SPECC1: variants seen among roughly 807,000 people sequenced by gnomAD.
The protein encoded by SPECC1 is cytospin-B.
A neutral mutation model predicts 104.1 loss-of-function variants in SPECC1; 62 were observed. The ratio of observed to expected loss-of-function variants is 0.60; its 90% confidence interval spans 0.49 to 0.74. The LOEUF (loss-of-function observed/expected upper bound fraction) is 0.74, where lower values mean the gene tolerates loss of function less well. Ranked by LOEUF, SPECC1 falls within the 30% of genes least tolerant of loss-of-function variation. The probability of loss-of-function intolerance (pLI) is 0.00; values close to 1 mark genes in which losing one functional copy is unlikely to be tolerated. For missense variants in SPECC1, 1,306 were observed against 1,310.5 expected (o/e 1.00, Z 0.05); for synonymous variants, 513 against 501.6 (o/e 1.02, Z -0.30).
At chr17:20,195,619 G>A (rs914552735) in intron 3 of SPECC1, among the ~76,000 whole-genome samples, 4 of 150,522 alleles carry the variant, frequency 2.7e-5, no homozygotes, top group Non-Finnish European at 5.9e-5. Context: ...GTGTAGTGAC[G>A]CTATCTTGGC....
intron 1 of SPECC1, among the ~76,000 whole-genome samples, chr17:20,070,081 A>G (rs757030651): frequency 7.2e-5 from 11 of 152,158 alleles, no homozygotes; most frequent in Non-Finnish European, 1.6e-4. Context: ...TTACTTTCTT[A>G]CCAATCTGGA....
intron 4 of SPECC1, among the ~76,000 whole-genome samples, chr17:20,223,453 A>G (rs1167570664): frequency 6.6e-6 from 1 of 152,118 alleles, no homozygotes; most frequent in African/African-American, 2.4e-5. Flanking sequence ...GAGTGGGCAG[A>G]TCACGAGGTC....
chr17:20,115,347 C>T (rs1283612959), intron 3 of SPECC1, among the ~76,000 whole-genome samples: 1 of 152,000 alleles, frequency 6.6e-6, no homozygotes, highest in African/African-American at 2.4e-5. Flanking sequence ...GTGGCGGGTG[C>T]CTGTAATCCC....
chr17:20,018,946 G>A (rs571124710), intron 1 of SPECC1, among the ~76,000 whole-genome samples: 65 of 152,286 alleles, frequency 4.3e-4, no homozygotes, highest in African/African-American at 1.5e-3. Flanking sequence ...AGAAAAGCAG[G>A]AGTTCAGCAT....
rs184275583 is a variant in SPECC1, at chr17:20,264,669, G to A, written c.2940+4375G>A. 1.1e-4 allele frequency among the ~76,000 whole-genome samples: 17 copies of A among 151,582 alleles called. 1 individual carries two copies. Among genetic ancestry groups the A allele is most frequent in the African/African-American group, 2.7e-4 (11 of 41,372 alleles). On this transcript the variant is annotated intron_variant, in intron 12 of 14. Transcript: ENST00000395527. ...GTATTTTTAGTAGAGACAGGGTTTC[G>A]CCATGTTGGCTAGGCTGGTCTCGAA...
chr17:20,053,164 C>T (rs370355563), intron 1 of SPECC1, among the ~76,000 whole-genome samples: 3 of 152,122 alleles, frequency 2.0e-5, no homozygotes, highest in African/African-American at 4.8e-5. Context: ...AGAATTCCAC[C>T]GAAATTTCCT....
rs188153967 is a variant in SPECC1, at chr17:20,179,815, C to T, written c.284-24518C>T. On this transcript the variant is annotated intron_variant, in intron 3 of 14. Transcript: ENST00000395527. ...GAGCAGTGAATGTTGCAGCAGGAAA[C>T]ATTGCATACATAAATGGAAGATATT... is the stretch of plus-strand genomic sequence containing the variant. Among the ~76,000 whole-genome samples the T allele has an allele frequency of 1.3e-3, 197 of 152,242 alleles. 1 individual carries two copies. Among genetic ancestry groups the T allele is most frequent in the African/African-American group, 4.5e-3 (189 of 41,544 alleles).
At chr17:20,128,376 T>A (rs1240275693) in intron 3 of SPECC1, among the ~76,000 whole-genome samples, 1 of 152,222 alleles carries the variant, frequency 6.6e-6, no homozygotes, top group Non-Finnish European at 1.5e-5. Flanking sequence ...TGCTTTGTGT[T>A]TCTCTGTAAA....
chr17:20,245,857 C>T, intron 7 of SPECC1, 69 bp from the exon 8 acceptor site: 3 of 1,570,822 alleles, frequency 1.9e-6, no homozygotes, highest in Non-Finnish European at 2.6e-6. Flanking sequence ...GTTCTGTTTT[C>T]CTCTGTGTCT....
intron 3 of SPECC1, among the ~76,000 whole-genome samples, chr17:20,185,630 T>A (rs2035217853): frequency 6.6e-6 from 1 of 152,204 alleles, no homozygotes; most frequent in Non-Finnish European, 1.5e-5. Flanking sequence ...TGGGGAAATT[T>A]GCTCTGAAAC....
At chr17:20,024,198 T>G (rs1484331742) in intron 1 of SPECC1, among the ~76,000 whole-genome samples, 1 of 152,228 alleles carries the variant, frequency 6.6e-6, no homozygotes, top group Non-Finnish European at 1.5e-5. Flanking sequence ...AGAATTTGAC[T>G]TCAAATCTTG....
intron 1 of SPECC1, among the ~76,000 whole-genome samples, chr17:20,089,632 A>G (rs563253507): frequency 3.9e-5 from 6 of 152,324 alleles, no homozygotes; most frequent in African/African-American, 1.4e-4. Flanking sequence ...TCTCTAAAAA[A>G]ATAAATGAGT....
At chr17:20,229,150 G>A (rs2038417667) in intron 5 of SPECC1, among the ~76,000 whole-genome samples, 2 of 152,136 alleles carry the variant, frequency 1.3e-5, no homozygotes, top group Admixed American at 6.5e-5. Flanking sequence ...CTGTACATGT[G>A]TCTTTTTTAC....
rs557401273 is a variant in SPECC1 at position 20,157,604 on chromosome 17, A to G, written c.284-46729A>G. Among the ~76,000 whole-genome samples, 9 of 152,216 alleles carry G rather than the reference A, an allele frequency of 5.9e-5. No homozygotes were observed. The South Asian group carries it at 1.9e-3, about 32-fold the overall frequency. ...GGTATTGTGAAAACCCCTGTGTATT[A>G]TTTCCTTTGTGTTAAAATTGTGAAA... On this transcript the variant is annotated intron_variant, in intron 3 of 14. Coordinates refer to ENST00000395527, the MANE Select transcript of SPECC1 (RefSeq NM_001243439.2).
chr17:20,082,609 G>GTATA (rs35459277), intron 1 of SPECC1, among the ~76,000 whole-genome samples: 16 of 150,290 alleles, frequency 1.1e-4, no homozygotes, highest in African/African-American at 3.9e-4. Flanking sequence ...CTATATGTGT[G>GTATA]TATATATATA....
At chr17:20,058,563 G>A (rs1302971011) in intron 1 of SPECC1, among the ~76,000 whole-genome samples, 46 of 152,274 alleles carry the variant, frequency 3.0e-4, no homozygotes, top group Non-Finnish European at 1.6e-4. Flanking sequence ...GGAAGTTTAG[G>A]TGGGAGGATC....
At chr17:20,260,905 G>A (rs1042981986) in intron 12 of SPECC1, among the ~76,000 whole-genome samples, 3 of 152,132 alleles carry the variant, frequency 2.0e-5, no homozygotes, top group African/African-American at 7.2e-5. Context: ...TGTTCTGGTT[G>A]GTGGCAGCAA....
At chr17:20,024,067 A>G (rs1200713431) in intron 1 of SPECC1, among the ~76,000 whole-genome samples, 2 of 152,226 alleles carry the variant, frequency 1.3e-5, no homozygotes, top group Admixed American at 1.3e-4. Context: ...GGAATTCCAG[A>G]ATCGTTTGCT....
intron 3 of SPECC1, among the ~76,000 whole-genome samples, chr17:20,138,141 G>A (rs990523818): frequency 4.6e-5 from 7 of 151,984 alleles, no homozygotes; most frequent in African/African-American, 4.8e-5. Flanking sequence ...GCTAAATTTT[G>A]TTTGTAGAGA....
Sources: gnomAD v4.1 joint callset for allele counts (sites outside exome capture counted in the v4.1 genomes callset) on GRCh38, gnomAD v4.1.1 for gene constraint, MANE v1.5 for transcripts, NCBI Gene and HGNC (gene_info 2026-07-23, HGNC 2026-07-21) for gene names.